The following ULK4 variants were observed in gnomAD, a reference collection of about 807,000 sequenced individuals.
ULK4 encodes the protein unc-51 like kinase 4, also known as inactive serine/threonine-protein kinase ULK4.
In ULK4, 133 loss-of-function variants were observed where a neutral mutation model predicts 160.6. That is an observed-to-expected ratio of 0.83 (90% CI 0.72 to 0.96). The LOEUF (loss-of-function observed/expected upper bound fraction) is 0.96. Ranked by LOEUF, ULK4 falls within the 40% of genes least tolerant of loss-of-function variation. The pLI, the probability that ULK4 is intolerant of heterozygous loss-of-function variation, is 0.00. For missense variants in ULK4, 1,580 were observed against 1,499.5 expected, an observed-to-expected ratio of 1.05 and a Z score of -0.89; for synonymous variants, 534 against 539.8, an observed-to-expected ratio of 0.99 and a Z score of 0.15.
At chr3:41,715,152 A>T in intron 25 of ULK4, 85 bp downstream of exon 25, 1 of 1,351,278 alleles carries the variant, frequency 7.4e-7, no homozygotes, top group Non-Finnish European at 1.0e-6. Flanking sequence ...GGATTTTTAA[A>T]TTACCTCATT....
intron 30 of ULK4, among the ~76,000 whole-genome samples, chr3:41,645,932 T>C (rs1050006832): frequency 3.3e-5 from 5 of 152,222 alleles, no homozygotes; most frequent in Non-Finnish European, 7.3e-5. Context: ...AATTGATCCC[T>C]TTACCATTAT....
rs186980681 is a variant in ULK4, at chr3:41,558,453, C to T, written c.3226+7572G>A. 8.5e-4 allele frequency among the ~76,000 whole-genome samples: 130 copies of T among 152,096 alleles called. 1 individual carries two copies. The highest frequency in any genetic ancestry group is 1.5e-3 in the Non-Finnish European group (102 of 68,000). On this transcript the variant is annotated intron_variant, in intron 32 of 36. Coordinates refer to ENST00000301831, the MANE Select transcript of ULK4 (RefSeq NM_017886.4). ...GGAGCAGTGGCTCATGCCTGTAGTCCCAGCACTTTGAGAGGCCAAGGTGGC... is the reference window on the plus strand; with the variant it reads ...GGAGCAGTGGCTCATGCCTGTAGTCTCAGCACTTTGAGAGGCCAAGGTGGC...
At chr3:41,921,864 T>C (rs534264556) in intron 5 of ULK4, among the ~76,000 whole-genome samples, 3 of 152,228 alleles carry the variant, frequency 2.0e-5, no homozygotes, top group African/African-American at 7.2e-5. Context: ...CTCAACAAAG[T>C]TGGAGCCGGC....
intron 35 of ULK4, among the ~76,000 whole-genome samples, chr3:41,388,145 T>C (rs1482826997): frequency 1.3e-5 from 2 of 152,206 alleles, no homozygotes; most frequent in Admixed American, 6.5e-5. Context: ...CGTTTTTTCA[T>C]GTGTGTTTTG....
intron 17 of ULK4, among the ~76,000 whole-genome samples, chr3:41,851,481 G>A (rs1223309646): frequency 6.6e-6 from 1 of 152,152 alleles, no homozygotes; most frequent in African/African-American, 2.4e-5. Context: ...CGGTTTGCCA[G>A]TATTTTATTG....
intron 34 of ULK4, among the ~76,000 whole-genome samples, chr3:41,443,674 C>T (rs1176544587): frequency 1.3e-5 from 2 of 151,994 alleles, no homozygotes; most frequent in African/African-American, 4.8e-5. Context: ...TAGAACCATG[C>T]AAAGACTGTC....
At chr3:41,368,945 T>A (rs1384663825) in intron 35 of ULK4, among the ~76,000 whole-genome samples, 1 of 152,206 alleles carries the variant, frequency 6.6e-6, no homozygotes, top group Admixed American at 6.5e-5. Context: ...TTTTCATTCA[T>A]TTATACCCGC....
chr3:41,376,286 G>C (rs1223449980), intron 35 of ULK4, among the ~76,000 whole-genome samples: 1 of 150,060 alleles, frequency 6.7e-6, no homozygotes, highest in Non-Finnish European at 1.5e-5. Context: ...CATATCCAAA[G>C]GATCATAAAT....
Position 41,751,132 on chromosome 3 carries a change from A to G in ULK4, c.2321+3229T>C, listed in dbSNP as rs10514705. ...GGCTGGGACAAATCTCTGCCTATTG[A>G]CTTCTTAACCTACTCAGTACCCAAT... On this transcript the variant is annotated intron_variant, in intron 22 of 36. Coordinates refer to ENST00000301831, the MANE Select transcript of ULK4 (RefSeq NM_017886.4). 8.7e-3 allele frequency among the ~76,000 whole-genome samples: 1,319 copies of G among 152,218 alleles called. 74 individuals carry two copies. The highest frequency in any genetic ancestry group is 0.078 in the Admixed American group (1,190 of 15,286).
At chr3:41,629,778 A>G (rs6810328) in intron 30 of ULK4, among the ~76,000 whole-genome samples, 9,321 of 152,018 alleles carry the variant, frequency 0.061, 968 homozygotes, top group African/African-American at 0.21. Context: ...TCACTTGAGC[A>G]CCAAGAGTTT....
At chr3:41,411,414 TC>T (rs1361488683) in intron 34 of ULK4, among the ~76,000 whole-genome samples, 1 of 143,392 alleles carries the variant, frequency 7.0e-6, no homozygotes, top group African/African-American at 2.8e-5. Flanking sequence ...ATCCAGACAT[TC>T]CTTTCTTTTT....
chr3:41,695,110 A>G (rs867028439), intron 27 of ULK4, among the ~76,000 whole-genome samples: 1 of 152,226 alleles, frequency 6.6e-6, no homozygotes, highest in South Asian at 2.1e-4. Context: ...GAAGAAGTAC[A>G]AAGGCCAAAC....
rs75417793 is a variant in ULK4, at chr3:41,893,139, G to A, written c.1577+2379C>T. Among the ~76,000 whole-genome samples, 1,186 of 152,324 alleles carry A rather than the reference G, an allele frequency of 7.8e-3. 46 individuals carry two copies. The East Asian group carries it at 0.12, about 16-fold the overall frequency. On this transcript the variant is annotated intron_variant, in intron 16 of 36. Coordinates refer to ENST00000301831, the MANE Select transcript of ULK4 (RefSeq NM_017886.4). The stretch of plus-strand genomic sequence containing the variant: ...TAGAGTATAGGTTACCAGGACTGGG[G>A]AAGGAAAGGGGAAGTTACTGTTTAA...
At chr3:41,909,092 C>CAAA (rs59762077) in intron 11 of ULK4, among the ~76,000 whole-genome samples, 12,378 of 106,180 alleles carry the variant, frequency 0.12, 1,436 homozygotes, top group Middle Eastern at 0.23. Flanking sequence ...CACTCCATCT[C>CAAA]AAAAAAAAAA....
At chr3:41,936,380 C>T (rs911197171) in intron 3 of ULK4, among the ~76,000 whole-genome samples, 1 of 152,176 alleles carries the variant, frequency 6.6e-6, no homozygotes, top group Non-Finnish European at 1.5e-5. Flanking sequence ...ACCCTTAGCA[C>T]GCGCCATTGA....
At chr3:41,910,461 G>A (rs1410735379) in intron 11 of ULK4, among the ~76,000 whole-genome samples, 8 of 151,914 alleles carry the variant, frequency 5.3e-5, no homozygotes, top group Non-Finnish European at 8.8e-5. Context: ...AGGCGAGGTG[G>A]TGGGCCCCTG....
chr3:41,677,642 T>C (rs1031992678), intron 29 of ULK4, among the ~76,000 whole-genome samples: 8 of 152,174 alleles, frequency 5.3e-5, no homozygotes, highest in East Asian at 1.9e-4. Context: ...CTAAAGTTCA[T>C]TGTTTAGCAA....
chr3:41,705,308 G>GA lies in ULK4; in HGVS notation c.2635-4dup. The GA allele has an allele frequency of 6.2e-6, 10 of 1,601,050 alleles. No individual in the cohort carries two copies. The highest frequency in any genetic ancestry group is 3.4e-5 in the Admixed American group (2 of 58,496). ...GAGTCTACAGATTTAATATGACTCT[G>GA]AAAAAAAATAAATTTTTAATAAATA... On this transcript the variant is annotated splice_polypyrimidine_tract_variant and splice_region_variant and intron_variant, in intron 25 of 36. Coordinates refer to ENST00000301831, the MANE Select transcript of ULK4 (RefSeq NM_017886.4).
chr3:41,564,583 C>T (rs1575421604), intron 32 of ULK4, among the ~76,000 whole-genome samples: 3 of 150,732 alleles, frequency 2.0e-5, no homozygotes, highest in South Asian at 2.1e-4. Flanking sequence ...CTCAGCCTCC[C>T]GAGTAGCTGG....
Sources: allele counts gnomAD v4.1 joint callset (sites outside exome capture counted in the v4.1 genomes callset), GRCh38; gene constraint gnomAD v4.1.1; transcripts MANE v1.5; gene names NCBI Gene and HGNC (gene_info 2026-07-23, HGNC 2026-07-21).